The following ANKS1B variants were observed in gnomAD, a reference collection of about 807,000 sequenced individuals.
ANKS1B encodes the protein ankyrin repeat and sterile alpha motif domain containing 1B, also known as ankyrin repeat and sterile alpha motif domain-containing protein 1B.
Under a neutral mutation model 148.3 loss-of-function variants are expected in ANKS1B, and 36 were observed. The observed-to-expected ratio is 0.24, with a 90% CI of 0.19 to 0.32. The LOEUF is 0.32. Among genes scored for constraint, ANKS1B ranks in the 10% least tolerant of loss-of-function variants. ANKS1B has a pLI of 1.00. For synonymous variants in ANKS1B, 542 were observed against 560.8 expected (o/e 0.97, Z 0.47); for missense variants, 1,157 against 1,542.6 (o/e 0.75, Z 4.19).
intron 17 of ANKS1B, among the ~76,000 whole-genome samples, chr12:99,044,871 G>A (rs983945990): frequency 6.6e-6 from 1 of 152,146 alleles, no homozygotes; most frequent in Non-Finnish European, 1.5e-5. Context: ...GAGAAACTGA[G>A]TCCCAGAGGG....
chr12:99,687,601 C>T (rs2098656878), intron 8 of ANKS1B, among the ~76,000 whole-genome samples: 1 of 152,090 alleles, frequency 6.6e-6, no homozygotes, highest in African/African-American at 2.4e-5. Context: ...TCAGTCCTAT[C>T]TCTGTTATTA....
intron 8 of ANKS1B, among the ~76,000 whole-genome samples, chr12:99,756,588 T>G (rs1329982300): frequency 6.6e-6 from 1 of 151,906 alleles, no homozygotes; most frequent in African/African-American, 2.4e-5. Flanking sequence ...TTAAAATGAA[T>G]ATGGAACCAA....
chr12:99,221,835 C>T (rs2153937943), intron 14 of ANKS1B, among the ~76,000 whole-genome samples: 1 of 152,258 alleles, frequency 6.6e-6, no homozygotes, highest in South Asian at 2.1e-4. Flanking sequence ...ATCCATCACA[C>T]ATATGCCTTC....
chr12:99,440,726 C>A (rs2095536337), intron 11 of ANKS1B, among the ~76,000 whole-genome samples: 1 of 151,934 alleles, frequency 6.6e-6, no homozygotes, highest in Non-Finnish European at 1.5e-5. Flanking sequence ...GAAACACATG[C>A]AATGTGTTAT....
At chr12:99,078,250 C>T (rs903177076) in intron 16 of ANKS1B, among the ~76,000 whole-genome samples, 8 of 152,176 alleles carry the variant, frequency 5.3e-5, no homozygotes, top group Admixed American at 3.3e-4. Flanking sequence ...GTTTTATTTG[C>T]TAACATTCTT....
intron 1 of ANKS1B, among the ~76,000 whole-genome samples, chr12:99,900,046 C>T (rs888427363): frequency 1.3e-5 from 2 of 151,862 alleles, no homozygotes; most frequent in African/African-American, 4.8e-5. Flanking sequence ...CTACAGGCAC[C>T]TGCCATCATG....
intron 9 of ANKS1B, among the ~76,000 whole-genome samples, chr12:99,531,034 G>A (rs1487395279): frequency 6.6e-6 from 1 of 152,078 alleles, no homozygotes; most frequent in African/African-American, 2.4e-5. Flanking sequence ...CCTCTGAGTA[G>A]CAGGGCCCTC....
At chr12:98,788,262 C>CAA (rs545240585) in intron 22 of ANKS1B, among the ~76,000 whole-genome samples, 90 of 115,364 alleles carry the variant, frequency 7.8e-4, no homozygotes, top group Non-Finnish European at 7.4e-4. Context: ...AGAAAACAGA[C>CAA]AAAAAAAAAA....
intron 12 of ANKS1B, among the ~76,000 whole-genome samples, chr12:99,291,272 A>G (rs956832656): frequency 1.3e-5 from 2 of 152,208 alleles, no homozygotes; most frequent in East Asian, 3.8e-4. Flanking sequence ...TTCCATGTTC[A>G]GGGATTGGAA....
rs1366830522 is a variant in ANKS1B at position 99,163,541 on chromosome 12, G to A, written c.2420-9146C>T. ...CAATTTTATCACACGTGCAGACCACGTGGCCATCATCACAGTCGAGACACC... is the reference window on the plus strand; with the variant it reads ...CAATTTTATCACACGTGCAGACCACATGGCCATCATCACAGTCGAGACACC... On this transcript the variant is annotated intron_variant, in intron 14 of 26. Coordinates refer to ENST00000683438, the MANE Select transcript of ANKS1B (RefSeq NM_001352186.2). 3.3e-5 allele frequency among the ~76,000 whole-genome samples: 5 copies of A among 151,486 alleles called. No homozygotes were observed. The South Asian group carries it at 6.3e-4, about 19-fold the overall frequency.
At chr12:99,824,896 C>G (rs1170153899) in intron 2 of ANKS1B, among the ~76,000 whole-genome samples, 1 of 152,114 alleles carries the variant, frequency 6.6e-6, no homozygotes, top group Non-Finnish European at 1.5e-5. Flanking sequence ...ATATAAGTGA[C>G]CAGGGCTCAG....
At chr12:99,717,841 G>A (rs934784175) in intron 8 of ANKS1B, among the ~76,000 whole-genome samples, 5 of 151,324 alleles carry the variant, frequency 3.3e-5, no homozygotes, top group Admixed American at 2.6e-4. Context: ...GGGTAGTGAC[G>A]GCCAGGCTTC....
chr12:99,715,218 C>A (rs930573146), intron 8 of ANKS1B, among the ~76,000 whole-genome samples: 3 of 152,140 alleles, frequency 2.0e-5, no homozygotes, highest in Admixed American at 2.0e-4. Flanking sequence ...CATCATATCC[C>A]CTGTAACCTG....
intron 19 of ANKS1B, among the ~76,000 whole-genome samples, chr12:98,810,278 G>T (rs188823359): frequency 5.3e-5 from 8 of 152,194 alleles, no homozygotes; most frequent in Admixed American, 1.3e-4. Context: ...CCCTTCTGAC[G>T]AACAGGGCTA....
intron 22 of ANKS1B, among the ~76,000 whole-genome samples, chr12:98,791,017 C>T (rs1351084028): frequency 6.6e-6 from 1 of 152,158 alleles, no homozygotes; most frequent in East Asian, 1.9e-4. Context: ...ATGGTTGGTG[C>T]TCTTTAGCCT....
At chr12:99,510,139 A>G (rs1032385218) in intron 9 of ANKS1B, among the ~76,000 whole-genome samples, 4 of 152,032 alleles carry the variant, frequency 2.6e-5, no homozygotes, top group Non-Finnish European at 4.4e-5. Flanking sequence ...ACAAAGCCAC[A>G]GATCACCCAA....
intron 9 of ANKS1B, among the ~76,000 whole-genome samples, chr12:99,509,093 T>C (rs2096738933): frequency 6.6e-6 from 1 of 151,888 alleles, no homozygotes; most frequent in Non-Finnish European, 1.5e-5. Context: ...CACAATCATA[T>C]AAAACAGTGA....
chr12:99,774,295 A>T (rs1203215818), intron 7 of ANKS1B, among the ~76,000 whole-genome samples: 1 of 152,124 alleles, frequency 6.6e-6, no homozygotes, highest in Non-Finnish European at 1.5e-5. Context: ...GCAAAAACAC[A>T]AATAACCTAA....
At chr12:99,249,052 C>T (rs1227006426) in intron 12 of ANKS1B, among the ~76,000 whole-genome samples, 1 of 152,040 alleles carries the variant, frequency 6.6e-6, no homozygotes. Flanking sequence ...TCTTAGGCTA[C>T]TTGGATCTCA....
Sources: allele counts gnomAD v4.1 joint callset (sites outside exome capture counted in the v4.1 genomes callset), GRCh38; gene constraint gnomAD v4.1.1; transcripts MANE v1.5; gene names NCBI Gene and HGNC (gene_info 2026-07-23, HGNC 2026-07-21).